LAMB1: variants seen among roughly 807,000 people sequenced by gnomAD.
LAMB1 encodes laminin subunit beta 1.
LAMB1 carries 121 observed loss-of-function variants against 222.3 expected under a neutral mutation model. The observed-to-expected ratio is 0.54, with a 90% confidence interval of 0.47 to 0.63. The LOEUF is 0.63. Among genes scored for constraint, LAMB1 ranks in the 30% least tolerant of loss-of-function variants. LAMB1 has a pLI of 0.00. For synonymous variants in LAMB1, 794 were observed against 807.2 expected (o/e 0.98, Z 0.28); for missense variants, 2,172 against 2,240.8 (o/e 0.97, Z 0.62).
intron 1 of LAMB1, 50 bp from the exon 2 acceptor site, chr7:108,003,021 G>A (rs1286294344): frequency 6.8e-7 from 1 of 1,480,434 alleles, no homozygotes; most frequent in East Asian, 2.5e-5. Context: ...AAAGAGAGAA[G>A]AGGCGCCCTT....
At chr7:107,958,413 T>C (rs1366584908) in intron 20 of LAMB1, among the ~76,000 whole-genome samples, 1 of 152,236 alleles carries the variant, frequency 6.6e-6, no homozygotes, top group Non-Finnish European at 1.5e-5. Context: ...ATACTCAGTT[T>C]TTCACTAACA....
chr7:108,002,087 A>G, intron 2 of LAMB1: 1 of 1,468,346 alleles, frequency 6.8e-7, no homozygotes, highest in Middle Eastern at 2.3e-4. Flanking sequence ...ACGTGTCCGG[A>G]GCCCGGCGCA....
chr7:107,982,755 G>A (rs1045112754), intron 7 of LAMB1, among the ~76,000 whole-genome samples: 1 of 152,108 alleles, frequency 6.6e-6, no homozygotes, highest in African/African-American at 2.4e-5. Context: ...TATTCTAAGT[G>A]GCAAATCACT....
intron 2 of LAMB1, among the ~76,000 whole-genome samples, chr7:108,002,639 C>G (rs1157194656): frequency 6.6e-6 from 1 of 152,218 alleles, no homozygotes; most frequent in African/African-American, 2.4e-5. Flanking sequence ...GGGCGCAGAG[C>G]CCGGGGGATG....
intron 3 of LAMB1, among the ~76,000 whole-genome samples, chr7:107,998,974 G>C (rs2034330476): frequency 6.6e-6 from 1 of 152,210 alleles, no homozygotes; most frequent in Non-Finnish European, 1.5e-5. Context: ...AGAAGCTTTG[G>C]GAACCACAGA....
intron 22 of LAMB1, among the ~76,000 whole-genome samples, chr7:107,952,557 T>C (rs1329453925): frequency 2.0e-5 from 3 of 152,228 alleles, no homozygotes; most frequent in East Asian, 3.8e-4. Context: ...CCAGTGGGAA[T>C]TGAGATATCT....
intron 24 of LAMB1, among the ~76,000 whole-genome samples, chr7:107,946,450 A>G (rs2033117394): frequency 6.6e-6 from 1 of 152,250 alleles, no homozygotes; most frequent in African/African-American, 2.4e-5. Context: ...TAGTAAATCC[A>G]GCTTTCAGGC....
chr7:107,924,088 CTG>C lies in LAMB1; in HGVS notation c.5225-3_5225-2del. ...TTGTCTTCATATTTTCTTTCTAAAT[CTG>C]TGGGGAGATATATATATATAAAGTC... On this transcript the variant is annotated splice_acceptor_variant and splice_polypyrimidine_tract_variant and intron_variant, in intron 33 of 33. Coordinates refer to ENST00000222399, the MANE Select transcript of LAMB1 (RefSeq NM_002291.3). LOFTEE classifies it high-confidence loss of function. The C allele has an allele frequency of 6.5e-7, 1 of 1,545,388 alleles. No homozygotes were observed. Among genetic ancestry groups the C allele is most frequent in the South Asian group, 1.3e-5 (1 of 78,848 alleles).
intron 3 of LAMB1, 39 bp downstream of exon 3, chr7:108,001,519 G>T: frequency 6.5e-7 from 1 of 1,538,712 alleles, no homozygotes; most frequent in Non-Finnish European, 8.8e-7. Flanking sequence ...GACGGGAGGA[G>T]GCGCTAGCAG....
At chr7:107,962,236 A>G (rs1045462314) in intron 15 of LAMB1, among the ~76,000 whole-genome samples, 3 of 152,172 alleles carry the variant, frequency 2.0e-5, no homozygotes, top group Non-Finnish European at 4.4e-5. Context: ...AGGATCATGC[A>G]TCTCTCTGCT....
intron 24 of LAMB1, among the ~76,000 whole-genome samples, chr7:107,941,308 G>A (rs555451607): frequency 4.6e-5 from 7 of 152,302 alleles, no homozygotes; most frequent in Non-Finnish European, 1.0e-4. Flanking sequence ...ACATTTGAAA[G>A]TATTTATACA....
At chr7:107,943,827 A>ATCTGTGTG (rs1192144061) in intron 24 of LAMB1, among the ~76,000 whole-genome samples, 1 of 152,144 alleles carries the variant, frequency 6.6e-6, no homozygotes, top group Non-Finnish European at 1.5e-5. Flanking sequence ...GTGTGTGTGT[A>ATCTGTGTG]TCTGTGTGTC....
At chr7:107,965,317 C>T (rs532265969) in intron 13 of LAMB1, among the ~76,000 whole-genome samples, 1 of 152,320 alleles carries the variant, frequency 6.6e-6, no homozygotes, top group South Asian at 2.1e-4. Flanking sequence ...CGGTGGCTCA[C>T]GCCTGTAATC....
rs756216962 is a variant in LAMB1 at position 107,935,652 on chromosome 7, G to A, written c.3951C>T (p.Ala1317=). ...EFIKNSDIRG[A]LDSITKYFQM... ...GGAAATACTTGGTAATGCTATCCAA[G>A]GCACCTAGGGTAGGAAATGAAATTG... Residue 1317 remains alanine, a synonymous_variant, in exon 27 of 34, where the codon GCC becomes GCT. Transcript: ENST00000222399. The A allele has an allele frequency of 1.2e-6, 2 of 1,613,732 alleles. No homozygotes were observed. The highest frequency in any genetic ancestry group is 1.7e-6 in the Non-Finnish European group (2 of 1,179,852).
Position 107,946,376 on chromosome 7 carries a change from T to C in LAMB1, c.3391+4850A>G, listed in dbSNP as rs547234067. On this transcript the variant is annotated intron_variant, in intron 24 of 33. Transcript: ENST00000222399. ...GAAAGTTGGGAGATGAATATAATTT[T>C]ACCTGCAGAAATGAGCTGCCTGTCT... Among the ~76,000 whole-genome samples, 213 of 152,366 alleles carry C rather than the reference T, an allele frequency of 1.4e-3. 2 individuals are homozygous for C. Among genetic ancestry groups the C allele is most frequent in the African/African-American group, 4.7e-3 (194 of 41,596 alleles).
intron 24 of LAMB1, among the ~76,000 whole-genome samples, chr7:107,950,621 G>C (rs2033221676): frequency 6.6e-6 from 1 of 152,214 alleles, no homozygotes; most frequent in African/African-American, 2.4e-5. Flanking sequence ...CTGACTTGGA[G>C]CCCCTGACCT....
intron 7 of LAMB1, among the ~76,000 whole-genome samples, chr7:107,983,003 TAG>T (rs1348669427): frequency 2.0e-5 from 3 of 152,200 alleles, no homozygotes; most frequent in East Asian, 1.9e-4. Flanking sequence ...TTTAGGGACT[TAG>T]GGGGTGTCTG....
At chr7:107,997,700 C>T (rs1032550764) in intron 4 of LAMB1, among the ~76,000 whole-genome samples, 3 of 152,098 alleles carry the variant, frequency 2.0e-5, no homozygotes, top group Admixed American at 6.5e-5. Context: ...TTTCAGCATT[C>T]GAGTTTGAAA....
At chr7:107,981,565 T>C (rs1348166482) in intron 7 of LAMB1, among the ~76,000 whole-genome samples, 4 of 152,090 alleles carry the variant, frequency 2.6e-5, no homozygotes, top group Non-Finnish European at 5.9e-5. Context: ...TATTCTGTGA[T>C]GGGTCTGTTT....
Sources: allele counts gnomAD v4.1 joint callset (sites outside exome capture counted in the v4.1 genomes callset), GRCh38; gene constraint gnomAD v4.1.1; transcripts MANE v1.5; gene names NCBI Gene and HGNC (gene_info 2026-07-23, HGNC 2026-07-21).